The following MAML3 variants were observed in gnomAD, a reference collection of about 807,000 sequenced individuals.
The protein encoded by MAML3 is mastermind like transcriptional coactivator 3, also known as mastermind-like protein 3.
Under a neutral mutation model 101.9 loss-of-function variants are expected in MAML3, and 27 were observed. The observed-to-expected ratio is 0.27, with a 90% CI of 0.20 to 0.37. The LOEUF (loss-of-function observed/expected upper bound fraction) is 0.37, where lower values mean the gene tolerates loss of function less well. MAML3 is among the 10% of genes least tolerant of loss of function. The pLI, the probability that MAML3 is intolerant of heterozygous loss-of-function variation, is 1.00. For missense variants in MAML3, 1,316 were observed against 1,444.9 expected (o/e 0.91, Z 1.45); for synonymous variants, 501 against 555.9 (o/e 0.90, Z 1.39).
At chr4:139,801,998 T>G (rs901938808) in intron 2 of MAML3, among the ~76,000 whole-genome samples, 7 of 152,100 alleles carry the variant, frequency 4.6e-5, no homozygotes, top group Non-Finnish European at 1.0e-4. Context: ...GCTGCACATG[T>G]GATTCAGGGG....
intron 1 of MAML3, among the ~76,000 whole-genome samples, chr4:140,147,319 CA>C (rs1456764825): frequency 6.6e-6 from 1 of 152,066 alleles, no homozygotes; most frequent in Non-Finnish European, 1.5e-5. Flanking sequence ...ATTAGAAACT[CA>C]GTCTTTATTA....
chr4:139,729,977 G>A (rs1728635335), intron 3 of MAML3, among the ~76,000 whole-genome samples: 3 of 152,168 alleles, frequency 2.0e-5, no homozygotes, highest in Non-Finnish European at 4.4e-5. Context: ...CCATTCTATA[G>A]AATTCTTCTC....
intron 1 of MAML3, among the ~76,000 whole-genome samples, chr4:139,949,489 A>G (rs1445930087): frequency 2.0e-5 from 3 of 152,232 alleles, no homozygotes; most frequent in Admixed American, 6.5e-5. Context: ...GCCACGTACA[A>G]TCTGTCACAA....
chr4:140,042,747 G>T (rs1362183329), intron 1 of MAML3, among the ~76,000 whole-genome samples: 4 of 152,202 alleles, frequency 2.6e-5, no homozygotes, highest in Non-Finnish European at 5.9e-5. Context: ...ATTTGGCTAT[G>T]AGATGAAAAT....
At chr4:139,924,853 C>T (rs907731681) in intron 1 of MAML3, among the ~76,000 whole-genome samples, 2 of 152,168 alleles carry the variant, frequency 1.3e-5, no homozygotes, top group Non-Finnish European at 2.9e-5. Flanking sequence ...TCATTTAGCT[C>T]ATTACTTCCT....
chr4:140,104,809 T>A (rs1728324506), intron 1 of MAML3, among the ~76,000 whole-genome samples: 1 of 152,122 alleles, frequency 6.6e-6, no homozygotes, highest in South Asian at 2.1e-4. Flanking sequence ...ATACATTTTT[T>A]AAGTACCTTA....
intron 1 of MAML3, among the ~76,000 whole-genome samples, chr4:140,096,638 C>G (rs1016892984): frequency 2.0e-5 from 3 of 152,092 alleles, no homozygotes; most frequent in Non-Finnish European, 4.4e-5. Context: ...TGGGGACTGA[C>G]ACGTGGGAGC....
chr4:139,957,974 CTA>C (rs1196913584), intron 1 of MAML3, among the ~76,000 whole-genome samples: 12 of 152,182 alleles, frequency 7.9e-5, no homozygotes, highest in Admixed American at 7.9e-4. Flanking sequence ...AAATTAGCAT[CTA>C]TTCACCATTT....
chr4:140,016,686 G>A (rs1560867557), intron 1 of MAML3, among the ~76,000 whole-genome samples: 1 of 152,130 alleles, frequency 6.6e-6, no homozygotes, highest in Non-Finnish European at 1.5e-5. Context: ...TTTCACGGAG[G>A]AAGGACAGAC....
At position 139,719,992 on chromosome 4, in the gene MAML3, A is replaced by T; in HGVS notation, c.2748T>A (p.Gly916=). 6.2e-7 allele frequency: 1 copy of T among 1,614,010 alleles called. No homozygotes were observed. ...GQGVGMVSGF[G]QSMLVNSAIT... is the part of the protein sequence containing the mutation. ...TGGCTGAGTTCACCAGCATGCTCTGACCAAAGCCACTCACCATTCCAACCC... is the reference window on the plus strand; with the variant it reads ...TGGCTGAGTTCACCAGCATGCTCTGTCCAAAGCCACTCACCATTCCAACCC... Residue 916 remains glycine (G), a synonymous_variant, in exon 5 of 5, where the codon GGT becomes GGA. Coordinates refer to ENST00000509479, the MANE Select transcript of MAML3 (RefSeq NM_018717.5).
intron 1 of MAML3, among the ~76,000 whole-genome samples, chr4:140,029,897 T>G (rs1409003491): frequency 6.6e-6 from 1 of 152,234 alleles, no homozygotes; most frequent in East Asian, 1.9e-4. Context: ...AGGAGGATTC[T>G]GCTTGGTCTG....
At chr4:140,148,058 A>G (rs1212589122) in intron 1 of MAML3, among the ~76,000 whole-genome samples, 2 of 151,988 alleles carry the variant, frequency 1.3e-5, no homozygotes, top group Non-Finnish European at 2.9e-5. Flanking sequence ...ACTCCATATA[A>G]CTCTATTTTA....
At chr4:139,740,649 C>G (rs966429198) in intron 2 of MAML3, 1 of 152,106 alleles carries the variant, frequency 6.6e-6, no homozygotes, top group Non-Finnish European at 1.5e-5. Context: ...GATGCATAGG[C>G]CTATCTTGTG....
chr4:139,896,527 A>G (rs991412796), intron 1 of MAML3, among the ~76,000 whole-genome samples: 13 of 152,192 alleles, frequency 8.5e-5, no homozygotes, highest in Admixed American at 3.9e-4. Flanking sequence ...ATTACTCTGA[A>G]GGAAACAATT....
At chr4:139,774,106 G>A (rs868052484) in intron 2 of MAML3, among the ~76,000 whole-genome samples, 3 of 152,198 alleles carry the variant, frequency 2.0e-5, no homozygotes, top group African/African-American at 7.2e-5. Flanking sequence ...GAAAAGAGCA[G>A]CAGAGCACCA....
chr4:139,963,611 A>T (rs1333240514), intron 1 of MAML3, among the ~76,000 whole-genome samples: 1 of 152,244 alleles, frequency 6.6e-6, no homozygotes, highest in Non-Finnish European at 1.5e-5. Flanking sequence ...AAATGGCATT[A>T]TACCTTGGGT....
At chr4:139,995,823 C>T (rs535165697) in intron 1 of MAML3, among the ~76,000 whole-genome samples, 8 of 151,242 alleles carry the variant, frequency 5.3e-5, no homozygotes, top group Admixed American at 1.3e-4. Flanking sequence ...TTATTGTTTC[C>T]TTCTGCTTGC....
At chr4:140,046,786 C>G (rs1727189271) in intron 1 of MAML3, among the ~76,000 whole-genome samples, 1 of 150,014 alleles carries the variant, frequency 6.7e-6, no homozygotes, top group Admixed American at 6.7e-5. Flanking sequence ...AACTGGGTCG[C>G]AAAGGGCAGG....
At position 140,029,945 on chromosome 4, in the gene MAML3, T is replaced by C. The variant is rs1010479135; in HGVS notation, c.468+122915A>G. Among the ~76,000 whole-genome samples the C allele has an allele frequency of 4.9e-4, 75 of 152,186 alleles. 1 individual carries two copies. Among genetic ancestry groups the C allele is most frequent in the Admixed American group, 6.5e-5 (1 of 15,272 alleles). ...GATGAAGATGAAATAAGTTGGGTTT[T>C]TTCCCTCCTCTGTCTGAGTGACAGC... On this transcript the variant is annotated intron_variant, in intron 1 of 4. Coordinates refer to ENST00000509479, the MANE Select transcript of MAML3 (RefSeq NM_018717.5).
Sources: allele counts gnomAD v4.1 joint callset (sites outside exome capture counted in the v4.1 genomes callset), GRCh38; gene constraint gnomAD v4.1.1; transcripts MANE v1.5; gene names NCBI Gene and HGNC (gene_info 2026-07-23, HGNC 2026-07-21).